Variants in SETBP1 observed in about 807,000 individuals in gnomAD.
The protein encoded by SETBP1 is SET binding protein 1.
A neutral mutation model predicts 101.0 loss-of-function variants in SETBP1; 9 were observed. The observed-to-expected ratio is 0.09, with a 90% confidence interval of 0.05 to 0.16. SETBP1 has a LOEUF of 0.16. Ranked by LOEUF, SETBP1 falls within the 10% of genes least tolerant of loss-of-function variation. The pLI is 1.00. For missense variants in SETBP1, 1,858 were observed against 2,033.8 expected (o/e 0.91, Z 1.66); for synonymous variants, 818 against 788.5 (o/e 1.04, Z -0.63).
At chr18:44,716,560 TTTTG>T (rs1399077282) in intron 2 of SETBP1, among the ~76,000 whole-genome samples, 3 of 152,060 alleles carry the variant, frequency 2.0e-5, no homozygotes, top group South Asian at 2.1e-4. Context: ...GAGTCATTCT[TTTTG>T]TTTGTTTGTT....
At chr18:44,963,951 A>T (rs2071667855) in intron 4 of SETBP1, among the ~76,000 whole-genome samples, 1 of 148,762 alleles carries the variant, frequency 6.7e-6, no homozygotes, top group South Asian at 2.1e-4. Flanking sequence ...GTAAAACCGG[A>T]ATGGAGCAGC....
intron 3 of SETBP1, among the ~76,000 whole-genome samples, chr18:44,895,078 C>T (rs1353769407): frequency 6.8e-6 from 1 of 146,818 alleles, no homozygotes; most frequent in Non-Finnish European, 1.5e-5. Flanking sequence ...CATGCCACTG[C>T]ACTCCAGCCT....
chr18:44,969,192 C>A (rs1460996338), intron 4 of SETBP1, among the ~76,000 whole-genome samples: 1 of 152,160 alleles, frequency 6.6e-6, no homozygotes, highest in Admixed American at 6.5e-5. Context: ...AACTCGATAT[C>A]TTTACATTCC....
chr18:44,703,348 G>GTT (rs531974601), intron 2 of SETBP1, among the ~76,000 whole-genome samples: 6 of 51,446 alleles, frequency 1.2e-4, no homozygotes, highest in Non-Finnish European at 1.8e-4. Context: ...TTACCATTAG[G>GTT]TTTTTTTTTT....
intron 2 of SETBP1, among the ~76,000 whole-genome samples, chr18:44,784,967 G>A (rs1159209000): frequency 6.6e-6 from 1 of 152,082 alleles, no homozygotes. Context: ...ATTTCTTAAG[G>A]GAAATGAGGA....
In SETBP1 at chr18:44,925,410, C is replaced by T. The variant is rs1157558796; in HGVS notation, c.541-24471C>T. Among the ~76,000 whole-genome samples the T allele has an allele frequency of 2.6e-5, 4 of 152,242 alleles. No homozygotes were observed. The East Asian group carries it at 5.8e-4, about 22-fold the overall frequency. ...AAAACCAGGCTGGATAGTCAGGCTA[C>T]TTTTATGATGGGAGAAATGACTATT... On this transcript the variant is annotated intron_variant, in intron 3 of 5. Coordinates refer to ENST00000649279, the MANE Select transcript of SETBP1 (RefSeq NM_015559.3).
chr18:44,756,375 T>A (rs1272755348), intron 2 of SETBP1, among the ~76,000 whole-genome samples: 1 of 152,222 alleles, frequency 6.6e-6, no homozygotes, highest in Non-Finnish European at 1.5e-5. Flanking sequence ...CACTTTCAAG[T>A]AGGACACATT....
At chr18:44,801,398 A>G (rs1301859429) in intron 2 of SETBP1, among the ~76,000 whole-genome samples, 1 of 152,140 alleles carries the variant, frequency 6.6e-6, no homozygotes, top group African/African-American at 2.4e-5. Flanking sequence ...GGGGCATTAG[A>G]CAGAGAATGA....
intron 2 of SETBP1, among the ~76,000 whole-genome samples, chr18:44,841,112 G>C (rs2072606907): frequency 6.6e-6 from 1 of 152,154 alleles, no homozygotes; most frequent in South Asian, 2.1e-4. Context: ...AGGAATCTAG[G>C]AGCAGCCTAG....
intron 2 of SETBP1, among the ~76,000 whole-genome samples, chr18:44,840,807 G>A (rs768769589): frequency 5.3e-5 from 8 of 152,238 alleles, no homozygotes; most frequent in Non-Finnish European, 7.3e-5. Flanking sequence ...CACCTGGAGA[G>A]CTTTTTAGAA....
intron 4 of SETBP1, among the ~76,000 whole-genome samples, chr18:44,965,382 C>G (rs956998035): frequency 6.6e-6 from 1 of 151,912 alleles, no homozygotes; most frequent in Non-Finnish European, 1.5e-5. Flanking sequence ...ATACCAAGAG[C>G]ATTTAGAGAG....
intron 5 of SETBP1, among the ~76,000 whole-genome samples, chr18:45,061,435 T>C (rs1308801034): frequency 6.6e-6 from 1 of 152,222 alleles, no homozygotes; most frequent in African/African-American, 2.4e-5. Context: ...AAAATTTTAT[T>C]TTTGTAGTCA....
At chr18:44,689,271 T>C (rs770817782) in intron 1 of SETBP1, among the ~76,000 whole-genome samples, 4 of 152,168 alleles carry the variant, frequency 2.6e-5, no homozygotes, top group Non-Finnish European at 5.9e-5. Flanking sequence ...TTCGAACATG[T>C]ACTGCATCTG....
chr18:44,684,489 G>A (rs2068805690), intron 1 of SETBP1, among the ~76,000 whole-genome samples: 1 of 152,018 alleles, frequency 6.6e-6, no homozygotes, highest in Non-Finnish European at 1.5e-5. Flanking sequence ...GGTTTTGGAG[G>A]ACTGTAATTG....
chr18:44,789,894 C>T (rs1039951392), intron 2 of SETBP1, among the ~76,000 whole-genome samples: 1 of 152,196 alleles, frequency 6.6e-6, no homozygotes, highest in African/African-American at 2.4e-5. Flanking sequence ...CTGATAAGGC[C>T]TGCCCGGGGC....
intron 3 of SETBP1, among the ~76,000 whole-genome samples, chr18:44,930,775 T>C (rs1333312449): frequency 1.3e-5 from 2 of 152,200 alleles, no homozygotes; most frequent in Non-Finnish European, 1.5e-5. Flanking sequence ...GTGGGATTGG[T>C]GGTGATATCC....
chr18:44,961,297 G>A (rs1455712850), intron 4 of SETBP1, among the ~76,000 whole-genome samples: 1 of 152,316 alleles, frequency 6.6e-6, no homozygotes, highest in Admixed American at 6.5e-5. Context: ...TATGGAGGAT[G>A]AAAACAAATG....
At chr18:45,062,177 G>A (rs2073900577) in intron 5 of SETBP1, among the ~76,000 whole-genome samples, 1 of 152,358 alleles carries the variant, frequency 6.6e-6, no homozygotes. Context: ...AAGCAGTTCT[G>A]AAGGCCATTT....
intron 2 of SETBP1, among the ~76,000 whole-genome samples, chr18:44,788,408 T>A (rs1253057593): frequency 6.6e-6 from 1 of 152,218 alleles, no homozygotes; most frequent in Non-Finnish European, 1.5e-5. Flanking sequence ...GTTGAATCTT[T>A]TATTTATGCA....
Sources: allele counts gnomAD v4.1 joint callset (sites outside exome capture counted in the v4.1 genomes callset), GRCh38; gene constraint gnomAD v4.1.1; transcripts MANE v1.5; gene names NCBI Gene and HGNC (gene_info 2026-07-23, HGNC 2026-07-21).